The following ABLIM1 variants were observed in gnomAD, a reference collection of about 807,000 sequenced individuals.
ABLIM1 encodes the protein actin binding LIM protein 1.
ABLIM1 carries 40 observed loss-of-function variants against 107.0 expected under a neutral mutation model. That is an observed-to-expected ratio of 0.37 (90% confidence interval 0.29 to 0.49). The LOEUF (loss-of-function observed/expected upper bound fraction) is 0.49. ABLIM1 is among the 20% of genes least tolerant of loss of function. The pLI is 0.97. For synonymous variants in ABLIM1, 357 were observed against 357.3 expected, an observed-to-expected ratio of 1.00 and a Z score of 0.01; for missense variants, 857 against 1,008.5, an observed-to-expected ratio of 0.85 and a Z score of 2.04.
chr10:114,587,835 T>C (rs1240204625), intron 2 of ABLIM1, among the ~76,000 whole-genome samples: 1 of 152,134 alleles, frequency 6.6e-6, no homozygotes, highest in Non-Finnish European at 1.5e-5. Flanking sequence ...CTCTAAGTGG[T>C]CTCTGATTCA....
At chr10:114,705,961 C>G (rs1045831452) in intron 1 of ABLIM1, among the ~76,000 whole-genome samples, 1 of 152,120 alleles carries the variant, frequency 6.6e-6, no homozygotes, top group Admixed American at 6.5e-5. Context: ...TCAGGTTTAT[C>G]CTGAAACCTC....
At position 114,445,362 on chromosome 10, in the gene ABLIM1, C is replaced by G. The variant is rs367602742; in HGVS notation, c.1777G>C (p.Asp593His). The change falls in exon 16 of 23, where the codon GAT becomes CAT. Residue 593 changes from aspartate (D) to histidine (H), a missense_variant. Coordinates refer to ENST00000533213, the MANE Select transcript of ABLIM1 (RefSeq NM_002313.7). ...KRRSSGREEDDEELLRRRQLQ... is the reference protein window; with the variant it reads ...KRRSSGREEDHEELLRRRQLQ... ...TGCCGACGTCTCAGAAGTTCCTCAT[C>G]ATCTTCCTCTCTGCCACTAGATCTG... 8.0e-5 allele frequency: 129 copies of G among 1,614,062 alleles called. No individual in the cohort carries two copies. The highest frequency in any genetic ancestry group is 1.6e-4 in the Middle Eastern group (1 of 6,084).
At chr10:114,570,409 C>A (rs1565965504) in intron 4 of ABLIM1, among the ~76,000 whole-genome samples, 5 of 152,074 alleles carry the variant, frequency 3.3e-5, no homozygotes. Context: ...ATATGTGCAG[C>A]TTTTTCCCAC....
Position 114,431,479 on chromosome 10 carries a change from A to T in ABLIM1, c.*4781T>A, listed in dbSNP as rs934297658. The stretch of plus-strand genomic sequence containing the variant: ...AAATCAAAGAACTCAGAGAGCTTCA[A>T]TGCGGAGTCATCAGCAACTCGCAGG... On this transcript the variant is annotated 3_prime_UTR_variant, in exon 23 of 23. Coordinates refer to ENST00000533213, the MANE Select transcript of ABLIM1 (RefSeq NM_002313.7). 1 of 152,266 alleles carries T rather than the reference A, an allele frequency of 6.6e-6. No individual in the cohort carries two copies. The highest frequency in any genetic ancestry group is 1.5e-5 in the Non-Finnish European group (1 of 68,048). The allele number at this position is 152,266 out of a possible 1,614,324, so 9.4% of individuals were successfully genotyped here.
intron 4 of ABLIM1, among the ~76,000 whole-genome samples, chr10:114,563,014 GC>G (rs1238103318): frequency 1.3e-5 from 2 of 152,200 alleles, no homozygotes; most frequent in African/African-American, 4.8e-5. Flanking sequence ...TCACCCCATT[GC>G]CAAGCAACCC....
intron 2 of ABLIM1, among the ~76,000 whole-genome samples, chr10:114,595,884 G>C (rs1216023318): frequency 6.6e-6 from 1 of 152,156 alleles, no homozygotes; most frequent in Admixed American, 6.5e-5. Flanking sequence ...CATGCCAAAG[G>C]CTTCCAAATT....
At chr10:114,677,614 A>G (rs2080545673) in intron 1 of ABLIM1, among the ~76,000 whole-genome samples, 2 of 152,108 alleles carry the variant, frequency 1.3e-5, no homozygotes, top group Admixed American at 1.3e-4. Flanking sequence ...CTCTACCAAA[A>G]GATACAAAAA....
chr10:114,785,056 T>C, the ABLIM1 span, among the ~76,000 whole-genome samples: 1 of 152,232 alleles, frequency 6.6e-6, no homozygotes, highest in Non-Finnish European at 1.5e-5. Context: ...CATTACTTAG[T>C]CAATTTCAAA....
In ABLIM1 at chr10:114,468,990, T is replaced by C. The variant is rs1455280280; in HGVS notation, c.1276-774A>G. On this transcript the variant is annotated intron_variant, in intron 10 of 22. Transcript: ENST00000533213. ...TGGCGTGAACCCGGAAGGCGAAGCT[T>C]GCAGTGAGCCGAGATCACGCCACTG... is the stretch of plus-strand genomic sequence containing the variant. Among the ~76,000 whole-genome samples, 3 of 146,220 alleles carry C rather than the reference T, an allele frequency of 2.1e-5. No individual in the cohort carries two copies. The East Asian group carries it at 6.1e-4, about 29-fold the overall frequency.
chr10:114,746,176 C>T (rs139470942), intron 1 of ABLIM1, among the ~76,000 whole-genome samples: 105 of 152,208 alleles, frequency 6.9e-4, no homozygotes, highest in African/African-American at 2.1e-3. Context: ...TCACATGCTC[C>T]GCCACTGATC....
At chr10:114,764,228 C>A (rs564451435) in intron 1 of ABLIM1, among the ~76,000 whole-genome samples, 1 of 152,268 alleles carries the variant, frequency 6.6e-6, no homozygotes, top group South Asian at 2.1e-4. Context: ...TAAAATACCA[C>A]AAGATGGGAA....
intron 1 of ABLIM1, among the ~76,000 whole-genome samples, chr10:114,695,797 A>T (rs2081182328): frequency 6.6e-6 from 1 of 152,210 alleles, no homozygotes; most frequent in South Asian, 2.1e-4. Context: ...ATTTCCATGT[A>T]TGAAGCTTTG....
chr10:114,682,781 A>C (rs2080801905), intron 1 of ABLIM1, among the ~76,000 whole-genome samples: 1 of 152,124 alleles, frequency 6.6e-6, no homozygotes, highest in Admixed American at 6.5e-5. Context: ...GAAGAGAAAG[A>C]ACGTTGTTCT....
intron 1 of ABLIM1, among the ~76,000 whole-genome samples, chr10:114,715,402 C>T (rs147066452): frequency 1.3e-5 from 2 of 152,298 alleles, no homozygotes; most frequent in East Asian, 1.9e-4. Context: ...AAAGAACAAG[C>T]CTGGAAGTTT....
intron 1 of ABLIM1, among the ~76,000 whole-genome samples, chr10:114,730,935 T>C (rs1432758949): frequency 6.6e-6 from 1 of 152,188 alleles, no homozygotes; most frequent in Non-Finnish European, 1.5e-5. Context: ...GGTGCTGGTC[T>C]CTTTCACTTA....
chr10:114,722,625 G>A (rs978436198), intron 1 of ABLIM1, among the ~76,000 whole-genome samples: 2 of 152,218 alleles, frequency 1.3e-5, no homozygotes, highest in Non-Finnish European at 2.9e-5. Flanking sequence ...CACATTGTAA[G>A]GGACAAGGTG....
the ABLIM1 span, among the ~76,000 whole-genome samples, chr10:114,798,558 C>A: frequency 5.9e-5 from 8 of 135,576 alleles, no homozygotes; most frequent in Admixed American, 2.9e-4. Context: ...ATGATGAGAC[C>A]CCCCCCCCAT....
intron 6 of ABLIM1, among the ~76,000 whole-genome samples, chr10:114,513,443 T>TA (rs915155647): frequency 3.1e-4 from 47 of 150,370 alleles, no homozygotes; most frequent in Non-Finnish European, 4.6e-4. Flanking sequence ...TAAAAGAAAA[T>TA]AAAAAAAAAG....
chr10:114,438,596 A>AG (rs1472346515), intron 21 of ABLIM1, among the ~76,000 whole-genome samples: 4 of 152,322 alleles, frequency 2.6e-5, no homozygotes, highest in African/African-American at 9.6e-5. Context: ...GTTATAGGGC[A>AG]GGGTGCATTT....
Sources: allele counts gnomAD v4.1 joint callset (sites outside exome capture counted in the v4.1 genomes callset), GRCh38; gene constraint gnomAD v4.1.1; transcripts MANE v1.5; gene names NCBI Gene and HGNC (gene_info 2026-07-23, HGNC 2026-07-21).